The following AASDH variants were observed in gnomAD, a reference collection of about 807,000 sequenced individuals.
The protein encoded by AASDH is beta-alanine-activating enzyme.
A neutral mutation model predicts 102.3 loss-of-function variants in AASDH; 81 were observed. That is an observed-to-expected ratio of 0.79 (90% confidence interval 0.66 to 0.95). AASDH has a LOEUF of 0.95. AASDH is among the 40% of genes least tolerant of loss of function. The pLI is 0.00. For missense variants in AASDH, 1,203 were observed against 1,266.2 expected (o/e 0.95, Z 0.76); for synonymous variants, 398 against 454.0 (o/e 0.88, Z 1.57).
intron 5 of AASDH, among the ~76,000 whole-genome samples, chr4:56,363,419 T>C (rs151283926): frequency 0.016 from 2,435 of 152,336 alleles, 76 homozygotes; most frequent in African/African-American, 0.055. Flanking sequence ...ACGGGCAGAC[T>C]GCCTCCTCAA....
intron 5 of AASDH, chr4:56,356,515 TC>T: frequency 9.2e-7 from 1 of 1,084,724 alleles, no homozygotes; most frequent in Non-Finnish European, 1.4e-6. Context: ...AAAGGGGATG[TC>T]CCCAGTAAGA....
chr4:56,351,383 C>G lies in AASDH; in HGVS notation c.1651G>C (p.Gly551Arg). The G allele has an allele frequency of 6.2e-7, 1 of 1,603,342 alleles. No individual in the cohort carries two copies. Among genetic ancestry groups the G allele is most frequent in the Non-Finnish European group, 8.5e-7 (1 of 1,172,368 alleles). ...INLKSENKLS[G>R]KEDLWEKLQY... ...AATTTTTCCCAAAGGTCCTCTTTCCCACTGAGCTTATTCTCAGACTTCAAG... is the reference window on the plus strand; with the variant it reads ...AATTTTTCCCAAAGGTCCTCTTTCCGACTGAGCTTATTCTCAGACTTCAAG... The change falls in exon 10 of 15, where the codon GGG (glycine) becomes CGG (arginine). Residue 551 changes from glycine (G) to arginine (R), a missense_variant. Gly to Arg is a moderately radical substitution (Grantham distance 125, BLOSUM62 -2). Coordinates refer to ENST00000205214, the MANE Select transcript of AASDH (RefSeq NM_181806.4).
chr4:56,342,132 AAAG>A (rs1747774121), intron 14 of AASDH, among the ~76,000 whole-genome samples: 1 of 144,000 alleles, frequency 6.9e-6, no homozygotes, highest in African/African-American at 2.5e-5. Context: ...AAAAAAAAAA[AAAG>A]AAGTTGGGGT....
intron 8 of AASDH, among the ~76,000 whole-genome samples, 159 bp from the exon 9 acceptor site, chr4:56,353,755 C>A (rs553321826): frequency 1.3e-5 from 2 of 152,162 alleles, no homozygotes; most frequent in South Asian, 4.2e-4. Flanking sequence ...CTATTACTTG[C>A]ACATAGGGTT....
chr4:56,382,195 C>T, intron 3 of AASDH: 1 of 300,842 alleles, frequency 3.3e-6, no homozygotes, highest in Non-Finnish European at 6.1e-6. Flanking sequence ...GGGTGGAGAG[C>T]CCCTCTGGGG....
Position 56,338,441 on chromosome 4 carries a change from A to ATAAT in AASDH, c.3254_3257dup (p.Tyr1086Ter), listed in dbSNP as rs1267395504. On this transcript the variant is annotated stop_gained and frameshift_variant, in exon 15 of 15. Coordinates refer to ENST00000205214, the MANE Select transcript of AASDH (RefSeq NM_181806.4). LOFTEE classifies it high-confidence loss of function. ...CACCCAATAAATCCAGACAATAAAC[A>ATAAT]TAATTATCTCTACACCCAATAATGA... is the stretch of plus-strand genomic sequence containing the variant. The ATAAT allele has an allele frequency of 6.2e-7, 1 of 1,613,862 alleles. No individual in the cohort carries two copies. Among genetic ancestry groups the ATAAT allele is most frequent in the African/African-American group, 1.3e-5 (1 of 74,924 alleles).
At chr4:56,339,931 G>GGCCAA (rs1747455891) in intron 14 of AASDH, among the ~76,000 whole-genome samples, 3 of 151,964 alleles carry the variant, frequency 2.0e-5, no homozygotes, top group Admixed American at 2.0e-4. Flanking sequence ...CACTTTGGGA[G>GGCCAA]GCCAAGGCAG....
intron 4 of AASDH, among the ~76,000 whole-genome samples, chr4:56,377,854 G>T (rs985490010): frequency 6.6e-6 from 1 of 152,078 alleles, no homozygotes; most frequent in African/African-American, 2.4e-5. Context: ...ACTCAGGCTG[G>T]AGTGCAGTGG....
At position 56,378,418 on chromosome 4, in the gene AASDH, G is replaced by A. The variant is rs750509097; in HGVS notation, c.398C>T (p.Thr133Ile). Residue 133 changes from threonine to isoleucine, a missense_variant, in exon 4 of 15, where the codon ACA becomes ATA. Transcript: ENST00000205214. ...GAGCACTAGGTCATTATGTTCCACT[G>A]TAAATGTATCATAGTTCAATAATGT... ...HETLLNYDTF[T>I]VEHNDLVLFR... The A allele has an allele frequency of 6.2e-7, 1 of 1,611,466 alleles. No individual in the cohort carries two copies. Among genetic ancestry groups the A allele is most frequent in the Non-Finnish European group, 8.5e-7 (1 of 1,179,326 alleles).
chr4:56,359,095 T>C (rs536021831), intron 5 of AASDH, among the ~76,000 whole-genome samples: 1 of 142,106 alleles, frequency 7.0e-6, no homozygotes, highest in African/African-American at 2.6e-5. Context: ...TGCTTTTTTT[T>C]GTTGTTGTTG....
chr4:56,376,553 C>T (rs957800684), intron 4 of AASDH, among the ~76,000 whole-genome samples: 10 of 152,270 alleles, frequency 6.6e-5, no homozygotes, highest in Middle Eastern at 3.4e-3. Flanking sequence ...CAGCATTTAA[C>T]CATTTCTTCT....
chr4:56,348,995 C>T, intron 11 of AASDH: 1 of 478,264 alleles, frequency 2.1e-6, no homozygotes, highest in Non-Finnish European at 3.7e-6. Flanking sequence ...ATTATTATTC[C>T]CATTTTACCC....
At position 56,349,436 on chromosome 4, in the gene AASDH, A is replaced by G. The variant is rs766982350; in HGVS notation, c.2315T>C (p.Leu772Pro). Residue 772 changes from leucine (L) to proline (P), a missense_variant, in exon 11 of 15, where the codon CTG (leucine) becomes CCG (proline). Transcript: ENST00000205214. ...DTGKCVDASP[L>P]VVIPTFDKSS... ...CTTATCAAAAGTGGGTATTACAACC[A>G]GCGGTGAAGCATCTACACATTTGCC... 1 of 1,614,130 alleles carries G rather than the reference A, an allele frequency of 6.2e-7. No homozygotes were observed. The highest frequency in any genetic ancestry group is 8.5e-7 in the Non-Finnish European group (1 of 1,180,010).
Position 56,384,454 on chromosome 4 carries a change from T to C in AASDH, c.-42-113A>G, listed in dbSNP as rs1046796727. On this transcript the variant is annotated intron_variant, in intron 1 of 14. Transcript: ENST00000205214. ...CACAAAAATAATTATATCAAAGATA[T>C]ATAAATGAAGAATCTCTGAACTTAT... 9 of 598,412 alleles carry C rather than the reference T, an allele frequency of 1.5e-5. No homozygotes were observed. In the South Asian group the frequency reaches 1.5e-4, roughly 10 times the overall value. The allele number at this position is 598,412 out of a possible 1,614,324, so 37.1% of individuals were successfully genotyped here. A position where few individuals can be genotyped will look rare whatever the true frequency, so the allele number is the denominator to read the frequency against.
At chr4:56,368,686 A>G (rs1751320266) in intron 5 of AASDH, among the ~76,000 whole-genome samples, 1 of 125,980 alleles carries the variant, frequency 7.9e-6, no homozygotes, top group Non-Finnish European at 1.6e-5. Context: ...ACATGGACAC[A>G]GGAAGGGGAA....
chr4:56,369,918 C>T (rs995869559), intron 5 of AASDH, among the ~76,000 whole-genome samples: 39 of 142,746 alleles, frequency 2.7e-4, no homozygotes, highest in East Asian at 2.3e-3. Flanking sequence ...CCAGGCTGGG[C>T]GAGAAGAGTG....
intron 5 of AASDH, among the ~76,000 whole-genome samples, chr4:56,362,501 G>T (rs779100371): frequency 1.2e-4 from 18 of 152,192 alleles, no homozygotes; most frequent in Non-Finnish European, 2.5e-4. Flanking sequence ...CTGACCTCAG[G>T]TGATCCACCC....
intron 10 of AASDH, among the ~76,000 whole-genome samples, 193 bp downstream of exon 10, chr4:56,351,149 C>A (rs1748953053): frequency 6.6e-6 from 1 of 152,150 alleles, no homozygotes; most frequent in South Asian, 2.1e-4. Context: ...TTGTCGGAAA[C>A]TTAATCTAGT....
At chr4:56,376,843 G>A (rs570760397) in intron 4 of AASDH, among the ~76,000 whole-genome samples, 11 of 151,922 alleles carry the variant, frequency 7.2e-5, no homozygotes, top group Admixed American at 2.0e-4. Context: ...CGAGGCGGGC[G>A]GATCACGAGG....
Sources: allele counts gnomAD v4.1 joint callset (sites outside exome capture counted in the v4.1 genomes callset), GRCh38; gene constraint gnomAD v4.1.1; transcripts MANE v1.5; gene names NCBI Gene and HGNC (gene_info 2026-07-23, HGNC 2026-07-21).